The following C12orf50 variants were observed in gnomAD, a reference collection of about 807,000 sequenced individuals.
The protein encoded by C12orf50 is zinc finger CCCH-type containing 11D, also known as uncharacterized protein C12orf50.
A neutral mutation model predicts 61.6 loss-of-function variants in C12orf50; 35 were observed. That is an observed-to-expected ratio of 0.57 (90% CI 0.43 to 0.75). C12orf50 has a LOEUF of 0.75. Among genes scored for constraint, C12orf50 ranks in the 30% least tolerant of loss-of-function variants. C12orf50 has a pLI of 0.00. For synonymous variants in C12orf50, 178 were observed against 161.5 expected, an observed-to-expected ratio of 1.10 and a Z score of -0.77; for missense variants, 475 against 488.5, an observed-to-expected ratio of 0.97 and a Z score of 0.26.
intron 3 of C12orf50, among the ~76,000 whole-genome samples, chr12:88,003,850 A>T (rs978680875): frequency 4.6e-5 from 7 of 152,052 alleles, no homozygotes; most frequent in Admixed American, 3.9e-4. Context: ...TAATTTTTTA[A>T]TTAAATCTGG....
At chr12:88,011,440 T>C (rs199951163) in intron 3 of C12orf50, among the ~76,000 whole-genome samples, 3 of 152,324 alleles carry the variant, frequency 2.0e-5, no homozygotes, top group East Asian at 3.9e-4. Context: ...GATTACTCAC[T>C]CTTTGCCAAG....
intron 3 of C12orf50, among the ~76,000 whole-genome samples, chr12:88,000,245 A>G (rs75519533): frequency 0.023 from 3,572 of 152,024 alleles, 145 homozygotes; most frequent in African/African-American, 0.08. Context: ...TTTGCATGTG[A>G]CTATCTAGTT....
chr12:88,020,791 A>C (rs1240633719), intron 3 of C12orf50, among the ~76,000 whole-genome samples: 1 of 151,546 alleles, frequency 6.6e-6, no homozygotes, highest in Non-Finnish European at 1.5e-5. Context: ...TGGACATAAA[A>C]CAATACTCAG....
chr12:88,027,585 T>C (rs943915465), intron 1 of C12orf50, among the ~76,000 whole-genome samples: 2 of 152,252 alleles, frequency 1.3e-5, no homozygotes, highest in Admixed American at 6.5e-5. Context: ...TTTTAATTAT[T>C]GTATTATGAT....
At position 87,980,226 on chromosome 12, in the gene C12orf50, A is replaced by G. The variant is rs1263526536; in HGVS notation, c.*105T>C. The stretch of plus-strand genomic sequence containing the variant: ...ATCATCTTTGGCTATCCACTACATA[A>G]CATGGAGTACTTGAGTATCTCATTC... On this transcript the variant is annotated 3_prime_UTR_variant, in exon 13 of 13. Transcript: ENST00000298699. 1 of 1,118,662 alleles carries G rather than the reference A, an allele frequency of 8.9e-7. No individual in the cohort carries two copies. The highest frequency in any genetic ancestry group is 1.3e-6 in the Non-Finnish European group (1 of 747,930). The allele number at this position is 1,118,662 out of a possible 1,614,324, so 69.3% of individuals were successfully genotyped here. A position where few individuals can be genotyped will look rare whatever the true frequency, so the allele number is the denominator to read the frequency against.
chr12:88,013,986 A>G (rs1258846916), intron 3 of C12orf50, among the ~76,000 whole-genome samples: 2 of 152,212 alleles, frequency 1.3e-5, no homozygotes, highest in Non-Finnish European at 2.9e-5. Context: ...AAGTTTCAGA[A>G]AAGACAGGGA....
At chr12:87,997,589 T>G (rs576180782) in intron 4 of C12orf50, among the ~76,000 whole-genome samples, 36 of 152,184 alleles carry the variant, frequency 2.4e-4, no homozygotes, top group African/African-American at 7.2e-4. Context: ...CAGGCCCTAG[T>G]GTGTGACATT....
chr12:88,017,080 T>C (rs2032338263), intron 3 of C12orf50, among the ~76,000 whole-genome samples: 1 of 152,216 alleles, frequency 6.6e-6, no homozygotes, highest in Non-Finnish European at 1.5e-5. Context: ...GAAAAGCAAG[T>C]ATACAGTATG....
At chr12:87,990,325 A>T (rs1342643739) in intron 7 of C12orf50, among the ~76,000 whole-genome samples, 3 of 152,138 alleles carry the variant, frequency 2.0e-5, no homozygotes, top group Admixed American at 6.6e-5. Flanking sequence ...CCTTTATTCT[A>T]CAAGTATTTA....
At chr12:88,023,245 T>A (rs1241267842) in intron 3 of C12orf50, among the ~76,000 whole-genome samples, 1 of 151,866 alleles carries the variant, frequency 6.6e-6, no homozygotes, top group African/African-American at 2.4e-5. Flanking sequence ...GTGACAAAAA[T>A]AAGAAACAGG....
At chr12:88,021,146 C>T (rs1288485514) in intron 3 of C12orf50, among the ~76,000 whole-genome samples, 4 of 152,038 alleles carry the variant, frequency 2.6e-5, no homozygotes, top group Admixed American at 2.6e-4. Flanking sequence ...AGAAAACCAA[C>T]CCTAAAGCTG....
intron 12 of C12orf50, 46 bp from the exon 13 acceptor site, chr12:87,980,402 C>T (rs370920385): frequency 2.6e-5 from 38 of 1,484,060 alleles, no homozygotes; most frequent in Admixed American, 3.5e-5. Flanking sequence ...TCTTGTTTAG[C>T]GCACTGATAT....
At chr12:87,990,110 C>T (rs79240680) in intron 7 of C12orf50, among the ~76,000 whole-genome samples, 3,493 of 152,170 alleles carry the variant, frequency 0.023, 141 homozygotes, top group African/African-American at 0.078. Flanking sequence ...CCCTCAAAAA[C>T]GCCATCATAC....
At chr12:88,028,411 A>G (rs1296939921) in intron 1 of C12orf50, among the ~76,000 whole-genome samples, 3 of 152,204 alleles carry the variant, frequency 2.0e-5, no homozygotes, top group Non-Finnish European at 4.4e-5. Context: ...CATGAGCACA[A>G]AGCTCCAAAT....
chr12:88,007,349 G>A (rs540954830), intron 3 of C12orf50, among the ~76,000 whole-genome samples: 5,335 of 152,214 alleles, frequency 0.035, 317 homozygotes, highest in African/African-American at 0.12. Context: ...CAACCTGCTC[G>A]TTCTGAATAT....
In C12orf50 at chr12:87,994,695, C is replaced by T. The variant is rs755953602; in HGVS notation, c.530G>A (p.Gly177Asp). The change falls in exon 7 of 13, where the codon GGT (glycine) becomes GAT (aspartate). Residue 177 changes from glycine (G) to aspartate (D), a missense_variant. By Grantham distance (94) the Gly-to-Asp change is moderately conservative. Coordinates refer to ENST00000298699, the MANE Select transcript of C12orf50 (RefSeq NM_152589.3). ...PTKLSQYERQ[G>D]EIKTSLHGKP... Reference sequence around the variant, plus strand: ...CCCATGCAATGATGTTTTTATTTCACCTTGCCTTTCATATTGGCTAAGTTT... The same window carrying T: ...CCCATGCAATGATGTTTTTATTTCATCTTGCCTTTCATATTGGCTAAGTTT... 5.0e-6 allele frequency: 8 copies of T among 1,613,290 alleles called. No homozygotes were observed. In the Admixed American group the frequency reaches 1.2e-4, roughly 24 times the overall value.
At chr12:88,013,118 TAA>T (rs2032174889) in intron 3 of C12orf50, among the ~76,000 whole-genome samples, 1 of 152,024 alleles carries the variant, frequency 6.6e-6, no homozygotes, top group Non-Finnish European at 1.5e-5. Context: ...GGATTTTTTT[TAA>T]AGAGACATCA....
chr12:88,021,102 T>C (rs1213433531), intron 3 of C12orf50, among the ~76,000 whole-genome samples: 1 of 151,912 alleles, frequency 6.6e-6, no homozygotes, highest in Admixed American at 6.6e-5. Context: ...AATTAACAAC[T>C]TAACATCACA....
At chr12:87,996,992 T>C (rs1338855609) in intron 4 of C12orf50, among the ~76,000 whole-genome samples, 6 of 152,180 alleles carry the variant, frequency 3.9e-5, no homozygotes, top group Non-Finnish European at 7.3e-5. Context: ...CTCAGTGTAC[T>C]CCTAAGCACA....
Sources: gnomAD v4.1 joint callset for allele counts (sites outside exome capture counted in the v4.1 genomes callset) on GRCh38, gnomAD v4.1.1 for gene constraint, MANE v1.5 for transcripts, NCBI Gene and HGNC (gene_info 2026-07-23, HGNC 2026-07-21) for gene names.